PHACTR1: variants seen among roughly 807,000 people sequenced by gnomAD.
PHACTR1 encodes phosphatase and actin regulator 1.
Under a neutral mutation model 69.2 loss-of-function variants are expected in PHACTR1, and 16 were observed. That is an observed-to-expected ratio of 0.23 (90% CI 0.16 to 0.35). The LOEUF (loss-of-function observed/expected upper bound fraction) is 0.35, where lower values mean the gene tolerates loss of function less well. PHACTR1 is among the 10% of genes least tolerant of loss of function. PHACTR1 has a pLI of 1.00. For synonymous variants in PHACTR1, 312 were observed against 284.5 expected (o/e 1.10, Z -0.97); for missense variants, 510 against 734.7 (o/e 0.69, Z 3.54).
At chr6:13,212,020 C>A (rs1766925940) in intron 8 of PHACTR1, among the ~76,000 whole-genome samples, 1 of 152,176 alleles carries the variant, frequency 6.6e-6, no homozygotes, top group Admixed American at 6.5e-5. Context: ...GTTGGTTTCT[C>A]CTGGGGACTC....
chr6:13,032,349 T>C (rs955984084), intron 4 of PHACTR1, among the ~76,000 whole-genome samples: 3 of 152,250 alleles, frequency 2.0e-5, no homozygotes, highest in African/African-American at 4.8e-5. Flanking sequence ...TTTTATTCTC[T>C]TCTCCACTTT....
chr6:13,140,790 T>G (rs887721941), intron 5 of PHACTR1, among the ~76,000 whole-genome samples: 15 of 152,240 alleles, frequency 9.9e-5, no homozygotes, highest in Admixed American at 2.0e-4. Context: ...TTATTTATAG[T>G]CTACCAAAAT....
intron 5 of PHACTR1, among the ~76,000 whole-genome samples, chr6:13,102,979 G>A (rs961012368): frequency 6.6e-6 from 1 of 152,144 alleles, no homozygotes; most frequent in Non-Finnish European, 1.5e-5. Context: ...TGTAGTGTGA[G>A]GCAGTCCAAG....
intron 4 of PHACTR1, among the ~76,000 whole-genome samples, chr6:12,817,485 C>T (rs1451402004): frequency 6.6e-6 from 1 of 152,186 alleles, no homozygotes; most frequent in Non-Finnish European, 1.5e-5. Context: ...ACGAGTTTAT[C>T]TTTCTGATCC....
intron 3 of PHACTR1, among the ~76,000 whole-genome samples, chr6:12,719,893 C>T (rs940465337): frequency 6.6e-6 from 1 of 152,166 alleles, no homozygotes; most frequent in Non-Finnish European, 1.5e-5. Flanking sequence ...CAGAGCATGA[C>T]CCAGTCTTCT....
At chr6:12,866,698 T>C (rs1483721090) in intron 4 of PHACTR1, among the ~76,000 whole-genome samples, 1 of 152,182 alleles carries the variant, frequency 6.6e-6, no homozygotes, top group Non-Finnish European at 1.5e-5. Context: ...GTGCCCAGCT[T>C]CCCTCTGCAA....
chr6:13,171,952 A>G (rs1335184918), intron 6 of PHACTR1, among the ~76,000 whole-genome samples: 3 of 152,114 alleles, frequency 2.0e-5, no homozygotes, highest in Non-Finnish European at 4.4e-5. Context: ...TTTTTTGTAG[A>G]GACGGGTTTT....
chr6:12,855,635 A>G (rs1361180253), intron 4 of PHACTR1, among the ~76,000 whole-genome samples: 1 of 151,990 alleles, frequency 6.6e-6, no homozygotes, highest in Non-Finnish European at 1.5e-5. Context: ...GACACTGGGA[A>G]CTCCAGAAGA....
At chr6:12,947,349 T>C (rs1397920165) in intron 4 of PHACTR1, among the ~76,000 whole-genome samples, 2 of 152,072 alleles carry the variant, frequency 1.3e-5, no homozygotes, top group Non-Finnish European at 2.9e-5. Flanking sequence ...TGCTTTTTTT[T>C]TTTTTTTCTG....
intron 4 of PHACTR1, among the ~76,000 whole-genome samples, chr6:12,897,321 A>G (rs1281762013): frequency 1.3e-5 from 2 of 152,230 alleles, no homozygotes; most frequent in Admixed American, 6.5e-5. Context: ...TTGCAGCGCA[A>G]GAGGTTCATC....
chr6:13,179,472 A>G lies in PHACTR1; in HGVS notation c.497-3047A>G, dbSNP rs1489328433. Among the ~76,000 whole-genome samples, 1 of 151,418 alleles carries G rather than the reference A, an allele frequency of 6.6e-6. No homozygotes were observed. Among genetic ancestry groups the G allele is most frequent in the Non-Finnish European group, 1.5e-5 (1 of 67,894 alleles). On this transcript the variant is annotated intron_variant, in intron 6 of 14. Transcript: ENST00000332995. This position sits in a 1 kb window ranked among gnomAD's most constrained non-coding sequence, Gnocchi z 4.2. ...TAAAAATGTCATAATAAAAAATTTA[A>G]AATATTACTTAAAAGTGGCAGTATT...
At chr6:12,957,469 T>G (rs1285321805) in intron 4 of PHACTR1, 1 of 985,324 alleles carries the variant, frequency 1.0e-6, no homozygotes, top group Non-Finnish European at 1.2e-6. Context: ...TGCAACCGGT[T>G]GCCTCCAATG....
At chr6:12,986,721 G>C (rs1796234544) in intron 4 of PHACTR1, among the ~76,000 whole-genome samples, 2 of 152,216 alleles carry the variant, frequency 1.3e-5, no homozygotes, top group South Asian at 4.1e-4. Flanking sequence ...AAGATTGGTG[G>C]GGAGGAGGAT....
At chr6:13,243,947 G>T (rs1007480644) in intron 10 of PHACTR1, among the ~76,000 whole-genome samples, 12 of 152,150 alleles carry the variant, frequency 7.9e-5, no homozygotes, top group Admixed American at 7.2e-4. Flanking sequence ...TTTTATGGCT[G>T]CATAGTATTC....
intron 4 of PHACTR1, among the ~76,000 whole-genome samples, chr6:13,038,549 A>G (rs1431490130): frequency 6.6e-6 from 1 of 152,104 alleles, no homozygotes. Context: ...GCAGCTTATA[A>G]AAGGTTCTGA....
At chr6:13,121,420 T>A (rs1000835846) in intron 5 of PHACTR1, among the ~76,000 whole-genome samples, 1 of 152,148 alleles carries the variant, frequency 6.6e-6, no homozygotes, top group African/African-American at 2.4e-5. Context: ...TTCCTTCAGA[T>A]AGGTCACGTC....
rs1459985913 is a variant in PHACTR1, at chr6:13,246,632, C to T, written c.1391+16439C>T. On this transcript the variant is annotated intron_variant, in intron 10 of 14. Coordinates refer to ENST00000332995, the MANE Select transcript of PHACTR1 (RefSeq NM_030948.6). The surrounding 1 kb of genome is among the most constrained non-coding windows in gnomAD (Gnocchi z 4.2). Reference sequence around the variant, plus strand: ...GTTGGCATTTCCAGTCTATAATTTCCATTGCATATAGTGCTCTTTCTCCCT... The same window carrying T: ...GTTGGCATTTCCAGTCTATAATTTCTATTGCATATAGTGCTCTTTCTCCCT... 6.6e-6 allele frequency among the ~76,000 whole-genome samples: 1 copy of T among 152,068 alleles called. No homozygotes were observed. Among genetic ancestry groups the T allele is most frequent in the Non-Finnish European group, 1.5e-5 (1 of 68,022 alleles).
At chr6:12,906,654 C>T (rs897376116) in intron 4 of PHACTR1, among the ~76,000 whole-genome samples, 2 of 152,128 alleles carry the variant, frequency 1.3e-5, no homozygotes, top group African/African-American at 4.8e-5. Flanking sequence ...GTCATCATGA[C>T]CCTTTCTATG....
chr6:13,127,832 A>G (rs1819776976), intron 5 of PHACTR1, among the ~76,000 whole-genome samples: 1 of 152,140 alleles, frequency 6.6e-6, no homozygotes, highest in Non-Finnish European at 1.5e-5. Context: ...TGTTTCAAAC[A>G]TATGCATTGT....
Sources: gnomAD v4.1 joint callset for allele counts (sites outside exome capture counted in the v4.1 genomes callset) on GRCh38, gnomAD v4.1.1 for gene constraint, Gnocchi (gnomAD v3.1) non-coding constraint, MANE v1.5 for transcripts, NCBI Gene and HGNC (gene_info 2026-07-23, HGNC 2026-07-21) for gene names.